Variants in CACNA1D observed in about 807,000 individuals in gnomAD.
The protein encoded by CACNA1D is voltage-dependent L-type calcium channel subunit alpha-1D.
In CACNA1D, 55 loss-of-function variants were observed where a neutral mutation model predicts 257.1. The ratio of observed to expected loss-of-function variants is 0.21; its 90% CI spans 0.17 to 0.27. The LOEUF (loss-of-function observed/expected upper bound fraction) is 0.27, where lower values mean the gene tolerates loss of function less well. Ranked by LOEUF, CACNA1D falls within the 10% of genes least tolerant of loss-of-function variation. The pLI is 1.00. For missense variants in CACNA1D, 1,876 were observed against 2,784.0 expected (o/e 0.67, Z 7.34); for synonymous variants, 980 against 1,014.9 (o/e 0.97, Z 0.65).
chr3:53,533,162 G>C (rs898727449), intron 3 of CACNA1D, among the ~76,000 whole-genome samples: 9 of 152,154 alleles, frequency 5.9e-5, no homozygotes, highest in Non-Finnish European at 1.0e-4. Flanking sequence ...CTTCAAAGAA[G>C]CTCAGAGCTA....
chr3:53,805,939 T>TCCTCCCTCCTCTTCCCTCCTCCTC (rs1559722492), intron 45 of CACNA1D, among the ~76,000 whole-genome samples: 25 of 19,340 alleles, frequency 1.3e-3, no homozygotes, highest in East Asian at 5.1e-3. Flanking sequence ...TCCCTCCTCC[T>TCCTCCCTCCTCTTCCCTCCTCCTC]CCTCCCTCAT....
intron 8 of CACNA1D, among the ~76,000 whole-genome samples, chr3:53,685,134 TG>T (rs2094463649): frequency 2.0e-5 from 3 of 152,070 alleles, no homozygotes; most frequent in African/African-American, 7.2e-5. Context: ...TATAAAGACA[TG>T]GATTAAAAAT....
At position 53,744,821 on chromosome 3, in the gene CACNA1D, A is replaced by C. The variant is rs775682165; in HGVS notation, c.3000A>C (p.Gly1000=). 3.8e-6 allele frequency: 6 copies of C among 1,594,144 alleles called. No homozygotes were observed. In the Admixed American group the frequency reaches 1.0e-4, roughly 27 times the overall value. The part of the protein sequence containing the change: ...RPLRAINRAK[G]LKHVVQCVFV... ...TCAGGGCCATCAACAGAGCAAAAGG[A>C]CTTAAGGTTTTGATTCCTCTCCTCC... Residue 1000 remains glycine (G), a synonymous_variant, in exon 23 of 48, where the codon GGA becomes GGC. Transcript: ENST00000350061.
intron 3 of CACNA1D, among the ~76,000 whole-genome samples, chr3:53,617,161 A>G (rs922258198): frequency 6.6e-6 from 1 of 152,078 alleles, no homozygotes; most frequent in African/African-American, 2.4e-5. Context: ...CTGTTGTCTC[A>G]CGATACTCAC....
At chr3:53,631,279 C>A (rs1424788585) in intron 3 of CACNA1D, among the ~76,000 whole-genome samples, 1 of 152,210 alleles carries the variant, frequency 6.6e-6, no homozygotes, top group Non-Finnish European at 1.5e-5. Context: ...ATGTGATATT[C>A]TAAACCCTCT....
chr3:53,752,111 C>T lies in CACNA1D; in HGVS notation c.3675+204C>T, dbSNP rs76226957. On this transcript the variant is annotated intron_variant, in intron 28 of 47. Coordinates refer to ENST00000350061, the MANE Select transcript of CACNA1D (RefSeq NM_001128840.3). ...TAGTTCTTTTGTTGAAGAAATTATC[C>T]GTACAGCATGATGGTAGGTAACATT... Among the ~76,000 whole-genome samples the T allele has an allele frequency of 1.0e-2, 1,515 of 152,182 alleles. 31 individuals are homozygous for T. The highest frequency in any genetic ancestry group is 0.034 in the African/African-American group (1,394 of 41,532).
rs3079421 is a variant in CACNA1D at position 53,812,590 on chromosome 3, GGTAA to G, written c.*1195_*1198del. 0.57 allele frequency: 86,265 copies of G among 151,558 alleles called. 25,906 individuals carry two copies. Among genetic ancestry groups the G allele is most frequent in the East Asian group, 0.81 (4,142 of 5,126 alleles). 9.4% of individuals were successfully genotyped at this position (151,558 alleles called of 1,614,324 possible). ...GTTTGTTTGACTTGAACCACCCTCT[GGTAA>G]GTAAGTAAGTGAATTACAGAGCAGG... On this transcript the variant is annotated 3_prime_UTR_variant, in exon 48 of 48. Transcript: ENST00000350061.
At chr3:53,768,264 A>G (rs2095346545) in intron 30 of CACNA1D, among the ~76,000 whole-genome samples, 1 of 152,128 alleles carries the variant, frequency 6.6e-6, no homozygotes, top group African/African-American at 2.4e-5. Context: ...TCTGATACAT[A>G]AGTTGTGCAC....
At chr3:53,809,124 G>T (rs61593082) in intron 46 of CACNA1D, 7,523 of 292,804 alleles carry the variant, frequency 0.026, 179 homozygotes, top group African/African-American at 0.073. Flanking sequence ...TTCTGAACAA[G>T]CGGTGCAGCC....
In CACNA1D at chr3:53,803,542, A is replaced by G. The variant is rs775930966; in HGVS notation, c.5555A>G (p.Tyr1852Cys). Residue 1852 changes from tyrosine to cysteine, a missense_variant, in exon 44 of 48, where the codon TAC (tyrosine) becomes TGC (cysteine). Tyr to Cys is a radical substitution (Grantham distance 194). Coordinates refer to ENST00000350061, the MANE Select transcript of CACNA1D (RefSeq NM_001128840.3). ...GAGTATTTCAGTAGTGAGGAATGCT[A>G]CGAGGATGACAGCTCGCCCACCTGG... ...EQEYFSSEEC[Y>C]EDDSSPTWSR... The G allele has an allele frequency of 1.9e-6, 3 of 1,614,180 alleles. No individual in the cohort carries two copies. The highest frequency in any genetic ancestry group is 2.2e-5 in the South Asian group (2 of 91,086).
chr3:53,583,518 G>T (rs763041971), intron 3 of CACNA1D, among the ~76,000 whole-genome samples: 3 of 152,196 alleles, frequency 2.0e-5, no homozygotes, highest in Non-Finnish European at 4.4e-5. Context: ...GGGCATGCTT[G>T]GGAACCTCAT....
At chr3:53,580,227 C>T (rs1372287537) in intron 3 of CACNA1D, among the ~76,000 whole-genome samples, 1 of 152,120 alleles carries the variant, frequency 6.6e-6, no homozygotes, top group Non-Finnish European at 1.5e-5. Context: ...ATGGGAGGCC[C>T]ATAAGGTTAG....
chr3:53,737,423 A>G (rs992207130), intron 20 of CACNA1D, among the ~76,000 whole-genome samples: 2 of 152,254 alleles, frequency 1.3e-5, no homozygotes, highest in African/African-American at 4.8e-5. Context: ...GAGGATGTGC[A>G]TAGATTATAT....
chr3:53,647,701 AAAT>A (rs750627920), intron 3 of CACNA1D, among the ~76,000 whole-genome samples: 3 of 152,212 alleles, frequency 2.0e-5, no homozygotes, highest in Non-Finnish European at 4.4e-5. Context: ...CAAGATTTAA[AAAT>A]AATACTTCAT....
At chr3:53,732,131 A>G (rs765670412) in intron 18 of CACNA1D, 49 bp downstream of exon 18, 3 of 1,415,708 alleles carry the variant, frequency 2.1e-6, no homozygotes, top group East Asian at 2.3e-5. Context: ...TGTCTTTGCT[A>G]CTGCTCTGTG....
intron 3 of CACNA1D, among the ~76,000 whole-genome samples, chr3:53,514,590 T>C (rs1254141339): frequency 6.6e-6 from 1 of 152,172 alleles, no homozygotes; most frequent in Non-Finnish European, 1.5e-5. Flanking sequence ...AAAGGTGTTA[T>C]CACAGGCCCT....
At chr3:53,761,404 G>A (rs1168035487) in intron 29 of CACNA1D, among the ~76,000 whole-genome samples, 4 of 152,110 alleles carry the variant, frequency 2.6e-5, no homozygotes, top group East Asian at 3.9e-4. Flanking sequence ...CTGTGTCCCC[G>A]TAAGCCATTA....
chr3:53,557,451 G>A (rs986810595), intron 3 of CACNA1D, among the ~76,000 whole-genome samples: 12 of 151,888 alleles, frequency 7.9e-5, no homozygotes, highest in South Asian at 2.1e-4. Flanking sequence ...CCGAGATTGC[G>A]CCATTGCACT....
At chr3:53,658,787 T>C (rs1470928327) in intron 4 of CACNA1D, among the ~76,000 whole-genome samples, 1 of 152,222 alleles carries the variant, frequency 6.6e-6, no homozygotes, top group Non-Finnish European at 1.5e-5. Flanking sequence ...ATTTCCTCAG[T>C]CATAACTAGG....
Sources: allele counts gnomAD v4.1 joint callset (sites outside exome capture counted in the v4.1 genomes callset), GRCh38; gene constraint gnomAD v4.1.1; transcripts MANE v1.5; gene names NCBI Gene and HGNC (gene_info 2026-07-23, HGNC 2026-07-21).